LARP1B: variants seen among roughly 807,000 people sequenced by gnomAD.
LARP1B encodes La ribonucleoprotein 1B.
A neutral mutation model predicts 114.2 loss-of-function variants in LARP1B; 76 were observed. The ratio of observed to expected loss-of-function variants is 0.67; its 90% CI spans 0.55 to 0.81. The LOEUF (loss-of-function observed/expected upper bound fraction) is 0.81, where lower values mean the gene tolerates loss of function less well. Ranked by LOEUF, LARP1B falls within the 30% of genes least tolerant of loss-of-function variation. LARP1B has a pLI of 0.00. For synonymous variants in LARP1B, 345 were observed against 348.0 expected (o/e 0.99, Z 0.10); for missense variants, 1,014 against 1,075.8 (o/e 0.94, Z 0.80).
At chr4:128,222,917 G>GTTTAT (rs536195666), downstream of LARP1B, 8 of 147,594 alleles carry the variant, frequency 5.4e-5, no homozygotes, top group Admixed American at 2.1e-4. Context: ...AACACTACAT[G>GTTTAT]TTTATTTTAT....
At chr4:128,168,290 A>ATTT (rs1581222314) in intron 12 of LARP1B, among the ~76,000 whole-genome samples, 50 of 150,578 alleles carry the variant, frequency 3.3e-4, no homozygotes, top group African/African-American at 7.1e-4. Flanking sequence ...TTTTTTTTTA[A>ATTT]AAAATTTTGC....
chr4:128,159,619 A>G (rs1737492536), intron 11 of LARP1B, among the ~76,000 whole-genome samples: 1 of 152,176 alleles, frequency 6.6e-6, no homozygotes, highest in South Asian at 2.1e-4. Flanking sequence ...GCAGTTCATG[A>G]ACCTACCTAG....
At chr4:128,170,920 G>A (rs1309675984) in intron 12 of LARP1B, among the ~76,000 whole-genome samples, 3 of 57,184 alleles carry the variant, frequency 5.2e-5, no homozygotes, top group African/African-American at 2.0e-4. Flanking sequence ...TGCATTCTTT[G>A]TGTTGTTTGT....
intron 8 of LARP1B, among the ~76,000 whole-genome samples, chr4:128,098,747 G>GTGTGTGTGTGTATATATATATATATA: frequency 1.3e-4 from 2 of 15,594 alleles, no homozygotes; most frequent in Non-Finnish European, 2.6e-4. Context: ...ATATGTATGT[G>GTGTGTGTGTGTATATATATATATATA]TATATATATA....
At position 128,206,452 on chromosome 4, in the gene LARP1B, GT is replaced by G; in HGVS notation, c.2338del (p.Tyr780IlefsTer33). The G allele has an allele frequency of 1.2e-6, 2 of 1,610,508 alleles. No individual in the cohort carries two copies. Among genetic ancestry groups the G allele is most frequent in the Non-Finnish European group, 1.7e-6 (2 of 1,178,566 alleles). Reference protein sequence around the residue: ...YRYGLECLFRFYSYGLEKKFR... With the variant: ...YRYGLECLFRXYSYGLEKKFR... ...GGTATGGGTTAGAATGTCTGTTCAG[GT>G]TTTATAGTTATGGACTGGAAAAAAA... On this transcript the variant is annotated frameshift_variant, in exon 18 of 20. Transcript: ENST00000326639. LOFTEE classifies it high-confidence loss of function.
intron 8 of LARP1B, 62 bp downstream of exon 8, chr4:128,098,392 TTC>T (rs1778826994): frequency 2.1e-6 from 3 of 1,429,400 alleles, no homozygotes; most frequent in Non-Finnish European, 9.7e-7. Flanking sequence ...TACCTAAAAC[TTC>T]TCTGAAAAAC....
rs1343126473 is a variant in LARP1B at position 128,211,273 on chromosome 4, C to T, written c.*1220C>T. On this transcript the variant is annotated 3_prime_UTR_variant, in exon 20 of 20. Transcript: ENST00000326639. The stretch of plus-strand genomic sequence containing the variant: ...CTTACATTCACTTTATTGAGCACTA[C>T]ATAATTTACAGATATTTTGTTGTAT... The T allele has an allele frequency of 1.0e-6, 1 of 954,014 alleles. No homozygotes were observed. Among genetic ancestry groups the T allele is most frequent in the African/African-American group, 1.8e-5 (1 of 56,616 alleles). 59.1% of individuals were successfully genotyped at this position (954,014 alleles called of 1,614,324 possible).
At position 128,152,973 on chromosome 4, in the gene LARP1B, C is replaced by CT. The variant is rs141211750; in HGVS notation, c.1525-9195dup. Among the ~76,000 whole-genome samples, 802 of 81,322 alleles carry CT rather than the reference C, an allele frequency of 9.9e-3. 128 individuals are homozygous for CT. The highest frequency in any genetic ancestry group is 0.015 in the Non-Finnish European group (614 of 40,906). 53.4% of individuals were successfully genotyped at this position (81,322 alleles called of 152,430 possible). On this transcript the variant is annotated intron_variant, in intron 11 of 19. Coordinates refer to ENST00000326639, the MANE Select transcript of LARP1B (RefSeq NM_018078.4). ...TTTTAAGTTTACAATTTTGGTTTGC[C>CT]TTTTTTTTTTTTTTTTTTTTTTTTT...
intron 11 of LARP1B, among the ~76,000 whole-genome samples, chr4:128,127,754 AC>A (rs1332518160): frequency 6.6e-6 from 1 of 151,744 alleles, no homozygotes; most frequent in Non-Finnish European, 1.5e-5. Flanking sequence ...AATTGCTTGA[AC>A]CCCGGGAGGT....
intron 11 of LARP1B, among the ~76,000 whole-genome samples, chr4:128,143,610 CAA>C (rs1262967660): frequency 2.7e-5 from 4 of 149,088 alleles, no homozygotes; most frequent in Admixed American, 6.8e-5. Flanking sequence ...TCTTGATAAA[CAA>C]GAGAGAAGAA....
At chr4:128,200,201 A>G (rs1755517300) in intron 16 of LARP1B, among the ~76,000 whole-genome samples, 1 of 152,220 alleles carries the variant, frequency 6.6e-6, no homozygotes, top group South Asian at 2.1e-4. Flanking sequence ...GCAGTCCTCA[A>G]TCTTTTTGGC....
At chr4:128,126,675 G>A (rs1236659000) in intron 11 of LARP1B, among the ~76,000 whole-genome samples, 1 of 152,064 alleles carries the variant, frequency 6.6e-6, no homozygotes, top group African/African-American at 2.4e-5. Context: ...TTTCCACAGA[G>A]TAGCAAAGAA....
intron 15 of LARP1B, among the ~76,000 whole-genome samples, chr4:128,184,401 C>T (rs1022042898): frequency 3.9e-5 from 6 of 152,124 alleles, no homozygotes; most frequent in Non-Finnish European, 8.8e-5. Context: ...CTCATATGAC[C>T]ATTAGCATTT....
At chr4:128,128,726 C>G (rs1192211731) in intron 11 of LARP1B, among the ~76,000 whole-genome samples, 1 of 152,086 alleles carries the variant, frequency 6.6e-6, no homozygotes, top group African/African-American at 2.4e-5. Context: ...AAAGGCAAAA[C>G]CATAAGTCAA....
At chr4:128,166,067 G>C (rs938865638) in intron 12 of LARP1B, among the ~76,000 whole-genome samples, 5 of 151,904 alleles carry the variant, frequency 3.3e-5, no homozygotes, top group African/African-American at 1.2e-4. Flanking sequence ...ATATTCAACT[G>C]TGTGGTTAAC....
chr4:128,117,660 AG>A lies in LARP1B; in HGVS notation c.1161+2920del, dbSNP rs533108825. ...CGGCCTCCCAAAGTGCTGGGATTACAGGTGTGGCCCACTGCACCTGGCCTAA... is the reference window on the plus strand; with the variant it reads ...CGGCCTCCCAAAGTGCTGGGATTACAGTGTGGCCCACTGCACCTGGCCTAA... On this transcript the variant is annotated intron_variant, in intron 10 of 19. Coordinates refer to ENST00000326639, the MANE Select transcript of LARP1B (RefSeq NM_018078.4). 3.0e-3 allele frequency among the ~76,000 whole-genome samples: 461 copies of A among 151,878 alleles called. 4 individuals carry two copies. The highest frequency in any genetic ancestry group is 0.011 in the African/African-American group (443 of 41,360).
chr4:128,077,934 G>C lies in LARP1B; in HGVS notation c.189G>C (p.Glu63Asp). The part of the protein sequence containing the change: ...NGPGENVSED[E>D]AQSSNQRKRA... ...CTGGTGAAAACGTCAGTGAGGATGA[G>C]GCTCAGTCAAGTAATCAACGTAAGA... The change falls in exon 4 of 20, where the codon GAG becomes GAC. Residue 63 changes from glutamate to aspartate, a missense_variant. Coordinates refer to ENST00000326639, the MANE Select transcript of LARP1B (RefSeq NM_018078.4). The C allele has an allele frequency of 6.2e-7, 1 of 1,606,328 alleles. No individual in the cohort carries two copies. Among genetic ancestry groups the C allele is most frequent in the South Asian group, 1.1e-5 (1 of 88,674 alleles).
At chr4:128,065,307 T>TCTC (rs1561011731) in intron 1 of LARP1B, among the ~76,000 whole-genome samples, 1 of 101,402 alleles carries the variant, frequency 9.9e-6, no homozygotes, top group Non-Finnish European at 2.2e-5. Flanking sequence ...CTTTCTTTCT[T>TCTC]TCTTTCTTTC....
At chr4:128,155,390 T>C in intron 11 of LARP1B, 1 of 598,134 alleles carries the variant, frequency 1.7e-6, no homozygotes, top group Non-Finnish European at 3.0e-6. Context: ...GCCCGGGGCA[T>C]GTTCTGAGAC....
Sources: gnomAD v4.1 joint callset for allele counts (sites outside exome capture counted in the v4.1 genomes callset) on GRCh38, gnomAD v4.1.1 for gene constraint, MANE v1.5 for transcripts, NCBI Gene and HGNC (gene_info 2026-07-23, HGNC 2026-07-21) for gene names.